NECTIN3: variants seen among roughly 807,000 people sequenced by gnomAD.
NECTIN3 encodes nectin-3.
A neutral mutation model predicts 49.4 loss-of-function variants in NECTIN3; 8 were observed. That is an observed-to-expected ratio of 0.16 (90% confidence interval 0.10 to 0.29). The LOEUF (loss-of-function observed/expected upper bound fraction) is 0.29, where lower values mean the gene tolerates loss of function less well. Ranked by LOEUF, NECTIN3 falls within the 10% of genes least tolerant of loss-of-function variation. The probability of loss-of-function intolerance (pLI) is 1.00; values close to 1 mark genes in which losing one functional copy is unlikely to be tolerated. For missense variants in NECTIN3, 581 were observed against 654.6 expected (o/e 0.89, Z 1.23); for synonymous variants, 277 against 241.1 (o/e 1.15, Z -1.38).
intron 5 of NECTIN3, among the ~76,000 whole-genome samples, chr3:111,130,349 T>G (rs2034342798): frequency 6.6e-6 from 1 of 151,960 alleles, no homozygotes; most frequent in Admixed American, 6.6e-5. Flanking sequence ...ATTAGTTAAC[T>G]CATCTAACAA....
chr3:111,155,582 A>G (rs1389536387), intron 7 of NECTIN3, among the ~76,000 whole-genome samples: 1 of 152,246 alleles, frequency 6.6e-6, no homozygotes, highest in East Asian at 1.9e-4. Flanking sequence ...CAAAGCAACT[A>G]AATTGTTGTC....
At chr3:111,119,253 C>T (rs543589097) in intron 3 of NECTIN3, among the ~76,000 whole-genome samples, 133 of 152,270 alleles carry the variant, frequency 8.7e-4, no homozygotes, top group Non-Finnish European at 1.7e-3. Flanking sequence ...AAAGGGCAAA[C>T]AACTTCTACA....
rs2034521000 is a variant in NECTIN3 at position 111,134,801 on chromosome 3, C to T, written c.*586C>T. 6 of 980,746 alleles carry T rather than the reference C, an allele frequency of 6.1e-6. No individual in the cohort carries two copies. The highest frequency in any genetic ancestry group is 6.1e-6 in the Non-Finnish European group (5 of 825,892). 60.8% of individuals were successfully genotyped at this position (980,746 alleles called of 1,614,324 possible). A position where few individuals can be genotyped will look rare whatever the true frequency, so the allele number is the denominator to read the frequency against. On this transcript the variant is annotated 3_prime_UTR_variant, in exon 6 of 6. Coordinates refer to ENST00000485303, the MANE Select transcript of NECTIN3 (RefSeq NM_015480.3). The stretch of plus-strand genomic sequence containing the variant: ...ATCTTTACCTCTGCATATTAATGAG[C>T]CTTGCCATAATTACTGTAGAGTGGC...
At chr3:111,146,445 A>AG (rs1194707059) in intron 6 of NECTIN3, among the ~76,000 whole-genome samples, 1 of 151,998 alleles carries the variant, frequency 6.6e-6, no homozygotes, top group Non-Finnish European at 1.5e-5. Flanking sequence ...AAAAAAAAAA[A>AG]AAAAAAAGAG....
In NECTIN3 at chr3:111,135,125, T is replaced by C. The variant is rs1267402283; in HGVS notation, c.*910T>C. The C allele has an allele frequency of 4.1e-6, 4 of 980,972 alleles. No homozygotes were observed. The highest frequency in any genetic ancestry group is 4.8e-6 in the Non-Finnish European group (4 of 826,066). The allele number at this position is 980,972 out of a possible 1,614,324, so 60.8% of individuals were successfully genotyped here. ...AGTACTAGTTTTAGAAATGAGACTT[T>C]CAGCCAACAATCTATAGAAAGAATT... is the stretch of plus-strand genomic sequence containing the variant. On this transcript the variant is annotated 3_prime_UTR_variant, in exon 6 of 6. Coordinates refer to ENST00000485303, the MANE Select transcript of NECTIN3 (RefSeq NM_015480.3).
intron 7 of NECTIN3, among the ~76,000 whole-genome samples, chr3:111,185,396 C>T (rs529488990): frequency 6.6e-6 from 1 of 152,136 alleles, no homozygotes; most frequent in South Asian, 2.1e-4. Context: ...CTATACAACA[C>T]AGTTGTTCAG....
chr3:111,122,084 A>T, intron 3 of NECTIN3, 37 bp from the exon 4 acceptor site: 1 of 1,349,628 alleles, frequency 7.4e-7, no homozygotes. Flanking sequence ...TATCATTAAC[A>T]AAAGGTAATC....
Position 111,126,313 on chromosome 3 carries a change from C to T in NECTIN3, c.1047C>T (p.Asp349=), listed in dbSNP as rs747338797. The T allele has an allele frequency of 2.2e-5, 35 of 1,604,900 alleles. No homozygotes were observed. Among genetic ancestry groups the T allele is most frequent in the African/African-American group, 4.0e-5 (3 of 74,314 alleles). ...CCAATTCCCTTGGTCAAAGAAGTGACCAAAAAGTCATCTACATTTCAGGTA... is the reference window on the plus strand; with the variant it reads ...CCAATTCCCTTGGTCAAAGAAGTGATCAAAAAGTCATCTACATTTCAGGTA... The part of the protein sequence containing the change: ...KVTNSLGQRS[D]QKVIYISDPP... Residue 349 remains aspartate (D), a synonymous_variant, in exon 5 of 6, where the codon GAC becomes GAT. Transcript: ENST00000485303.
At chr3:111,175,267 C>T (rs911122752) in intron 7 of NECTIN3, among the ~76,000 whole-genome samples, 1 of 151,664 alleles carries the variant, frequency 6.6e-6, no homozygotes, top group African/African-American at 2.4e-5. Flanking sequence ...ATAGTGGGCA[C>T]GGTGGGCCAA....
chr3:111,077,130 T>C (rs994322903), intron 1 of NECTIN3: 1 of 381,058 alleles, frequency 2.6e-6, no homozygotes, highest in Non-Finnish European at 5.3e-6. Flanking sequence ...GTATTATAGT[T>C]ATTTTAGAAA....
At chr3:111,129,199 C>T (rs184500085) in intron 5 of NECTIN3, among the ~76,000 whole-genome samples, 1 of 151,876 alleles carries the variant, frequency 6.6e-6, no homozygotes, top group Admixed American at 6.6e-5. Flanking sequence ...TCACCTTCAC[C>T]TTTTTCAATG....
intron 7 of NECTIN3, among the ~76,000 whole-genome samples, chr3:111,177,066 GAAA>G (rs1270811310): frequency 1.3e-5 from 2 of 152,020 alleles, no homozygotes; most frequent in Non-Finnish European, 2.9e-5. Context: ...TAACCACTTA[GAAA>G]ATCTTAACAG....
chr3:111,133,736 T>G lies in NECTIN3; in HGVS notation c.1171T>G (p.Leu391Val). The G allele has an allele frequency of 1.9e-6, 3 of 1,613,964 alleles. No individual in the cohort carries two copies. The highest frequency in any genetic ancestry group is 1.7e-6 in the Non-Finnish European group (2 of 1,179,866). ...ATEPKKLPFP[L>V]STLATIKDDT... is the part of the protein sequence containing the mutation. ...AGAACCTAAAAAATTGCCCTTCCCA[T>G]TGTCAACTTTGGCAACAATTAAGGA... The change falls in exon 6 of 6, where the codon TTG (leucine) becomes GTG (valine). Residue 391 changes from leucine to valine, a missense_variant. Coordinates refer to ENST00000485303, the MANE Select transcript of NECTIN3 (RefSeq NM_015480.3).
At chr3:111,114,255 C>T (rs2033595321) in intron 2 of NECTIN3, among the ~76,000 whole-genome samples, 1 of 151,964 alleles carries the variant, frequency 6.6e-6, no homozygotes, top group Non-Finnish European at 1.5e-5. Context: ...TTCTTTTAAC[C>T]TATGCTTTTA....
chr3:111,144,668 G>C (rs2034831287), intron 5 of NECTIN3, among the ~76,000 whole-genome samples: 1 of 151,814 alleles, frequency 6.6e-6, no homozygotes. Flanking sequence ...GATGTTTGGG[G>C]ATATTTACAT....
At chr3:111,145,463 T>C (rs1192723761) in intron 6 of NECTIN3, among the ~76,000 whole-genome samples, 1 of 152,208 alleles carries the variant, frequency 6.6e-6, no homozygotes, top group Non-Finnish European at 1.5e-5. Flanking sequence ...ATTAAATACA[T>C]TGAGTTTTAA....
intron 1 of NECTIN3, among the ~76,000 whole-genome samples, chr3:111,079,519 A>G (rs2031456904): frequency 6.6e-6 from 1 of 151,960 alleles, no homozygotes; most frequent in Non-Finnish European, 1.5e-5. Context: ...AAACCTGCTT[A>G]GAGATACCAT....
chr3:111,124,860 C>G (rs1017005577), intron 4 of NECTIN3, among the ~76,000 whole-genome samples: 3 of 152,114 alleles, frequency 2.0e-5, no homozygotes, highest in African/African-American at 7.2e-5. Flanking sequence ...ATTTTATTTA[C>G]TTCTGTATCT....
At chr3:111,145,970 T>C (rs143294697) in intron 6 of NECTIN3, among the ~76,000 whole-genome samples, 30 of 152,314 alleles carry the variant, frequency 2.0e-4, no homozygotes, top group African/African-American at 6.3e-4. Context: ...CATGAACAAG[T>C]ACTTTATCTC....
Sources: allele counts gnomAD v4.1 joint callset (sites outside exome capture counted in the v4.1 genomes callset), GRCh38; gene constraint gnomAD v4.1.1; transcripts MANE v1.5; gene names NCBI Gene and HGNC (gene_info 2026-07-23, HGNC 2026-07-21).